Variants in ALK observed in about 807,000 individuals in gnomAD.
ALK encodes the protein ALK tyrosine kinase receptor.
ALK carries 74 observed loss-of-function variants against 163.1 expected under a neutral mutation model. That is an observed-to-expected ratio of 0.45 (90% CI 0.38 to 0.55). ALK has a LOEUF of 0.55. Ranked by LOEUF, ALK falls within the 20% of genes least tolerant of loss-of-function variation. The pLI, the probability that ALK is intolerant of heterozygous loss-of-function variation, is 0.00. For synonymous variants in ALK, 960 were observed against 843.2 expected, an observed-to-expected ratio of 1.14 and a Z score of -2.40; for missense variants, 2,063 against 2,105.3, an observed-to-expected ratio of 0.98 and a Z score of 0.39.
At chr2:29,880,732 T>C (rs1228143871) in intron 1 of ALK, among the ~76,000 whole-genome samples, 1 of 152,232 alleles carries the variant, frequency 6.6e-6, no homozygotes, top group Non-Finnish European at 1.5e-5. Context: ...ACCCATGCCA[T>C]AAAAGTGAGC....
chr2:29,422,033 C>G (rs1197676398), intron 4 of ALK, among the ~76,000 whole-genome samples: 2 of 151,458 alleles, frequency 1.3e-5, no homozygotes, highest in African/African-American at 4.9e-5. Flanking sequence ...CCAGACAACT[C>G]CATTTTGATA....
intron 4 of ALK, among the ~76,000 whole-genome samples, chr2:29,449,721 T>C (rs1370371482): frequency 6.6e-6 from 1 of 152,254 alleles, no homozygotes; most frequent in Admixed American, 6.5e-5. Context: ...GAGGAGGCTC[T>C]TATCTCAGAA....
intron 3 of ALK, among the ~76,000 whole-genome samples, chr2:29,638,798 G>A (rs1676619172): frequency 6.6e-6 from 1 of 152,072 alleles, no homozygotes; most frequent in East Asian, 1.9e-4. Context: ...TCATTAGCTA[G>A]TGACCTCTGA....
At chr2:29,208,568 T>C (rs1573100774) in intron 25 of ALK, among the ~76,000 whole-genome samples, 1 of 152,244 alleles carries the variant, frequency 6.6e-6, no homozygotes, top group East Asian at 1.9e-4. Context: ...TGGTAGACAC[T>C]CCAGAGACGT....
intron 1 of ALK, among the ~76,000 whole-genome samples, chr2:29,740,350 G>C (rs748412270): frequency 6.6e-6 from 1 of 152,118 alleles, no homozygotes; most frequent in Non-Finnish European, 1.5e-5. Flanking sequence ...GACAGACAAA[G>C]AGGGAGAGAG....
Position 29,717,667 on chromosome 2 carries a change from A to G in ALK, c.698T>C (p.Met233Thr), listed in dbSNP as rs749700096. 6.2e-7 allele frequency: 1 copy of G among 1,614,108 alleles called. No individual in the cohort carries two copies. The highest frequency in any genetic ancestry group is 2.2e-5 in the East Asian group (1 of 44,870). Residue 233 changes from methionine to threonine, a missense_variant, in exon 2 of 29, where the codon ATG (methionine) becomes ACG (threonine). Around this residue, in one of 5 missense-constraint regions of ALK, gnomAD observed 987 missense variants for 939.5 expected, o/e 1.05. Transcript: ENST00000389048. The part of the protein sequence containing the change: ...GHSSLESPTN[M>T]PSPSPDYFTW... Reference sequence around the variant, plus strand: ...AAAATAATCAGGAGAAGGAGAAGGCATGTTTGTTGGTGATTCCAAGGAGCT... The same window carrying G: ...AAAATAATCAGGAGAAGGAGAAGGCGTGTTTGTTGGTGATTCCAAGGAGCT...
intron 1 of ALK, among the ~76,000 whole-genome samples, chr2:29,729,760 T>C (rs1679683608): frequency 6.6e-6 from 1 of 152,168 alleles, no homozygotes; most frequent in Non-Finnish European, 1.5e-5. Flanking sequence ...GCAGCACATC[T>C]TGAGTGCATC....
chr2:29,228,870 C>T lies in ALK; in HGVS notation c.2815+14G>A, dbSNP rs1288484506. 7 of 1,558,832 alleles carry T rather than the reference C, an allele frequency of 4.5e-6. No individual in the cohort carries two copies. Among genetic ancestry groups the T allele is most frequent in the Admixed American group, 1.7e-5 (1 of 59,902 alleles). On this transcript the variant is annotated intron_variant, in intron 16 of 28. Coordinates refer to ENST00000389048, the MANE Select transcript of ALK (RefSeq NM_004304.5). Reference sequence around the variant, plus strand: ...CAGGGAGGGAGTGACACCTTGAACACGAATCATCTTTACCTATATATCCTC... The same window carrying T: ...CAGGGAGGGAGTGACACCTTGAACATGAATCATCTTTACCTATATATCCTC...
intron 1 of ALK, among the ~76,000 whole-genome samples, chr2:29,887,462 T>C (rs922331914): frequency 6.6e-6 from 1 of 152,186 alleles, no homozygotes; most frequent in African/African-American, 2.4e-5. Flanking sequence ...TGCTCAGAAG[T>C]CATCCTGGGT....
chr2:29,383,893 A>ATAT (rs1230173926), intron 4 of ALK, 34 bp from the exon 5 acceptor site: 1 of 1,613,658 alleles, frequency 6.2e-7, no homozygotes, highest in Non-Finnish European at 8.5e-7. Flanking sequence ...AGAAAAGCAT[A>ATAT]GAGAAACAGA....
At chr2:29,796,183 C>T (rs1444646587) in intron 1 of ALK, among the ~76,000 whole-genome samples, 2 of 152,122 alleles carry the variant, frequency 1.3e-5, no homozygotes, top group Admixed American at 6.5e-5. Context: ...TAGGGAAGAG[C>T]TCCTGGAACC....
chr2:29,236,017 A>ATTTT (rs771017409), intron 13 of ALK, among the ~76,000 whole-genome samples: 18 of 126,212 alleles, frequency 1.4e-4, no homozygotes, highest in Admixed American at 2.4e-4. Flanking sequence ...TAATTTTTGT[A>ATTTT]TTTTTTTTTT....
chr2:29,593,198 G>GT (rs1231666869), intron 3 of ALK, among the ~76,000 whole-genome samples: 1 of 152,158 alleles, frequency 6.6e-6, no homozygotes, highest in East Asian at 1.9e-4. Context: ...TGAAGCCAAC[G>GT]TAACATTGGT....
intron 4 of ALK, among the ~76,000 whole-genome samples, chr2:29,393,522 G>C (rs1669230284): frequency 6.6e-6 from 1 of 152,134 alleles, no homozygotes; most frequent in South Asian, 2.1e-4. Flanking sequence ...GGCTTGCTAG[G>C]TTTCCCCCTC....
intron 1 of ALK, among the ~76,000 whole-genome samples, chr2:29,907,788 C>T (rs1667589681): frequency 1.3e-5 from 2 of 152,136 alleles, no homozygotes; most frequent in African/African-American, 2.4e-5. Context: ...CTGCTTCAGG[C>T]CCATGCTTTC....
Position 29,246,081 on chromosome 2 carries a change from G to A in ALK, c.2204+5024C>T, listed in dbSNP as rs895511410. On this transcript the variant is annotated intron_variant, in intron 12 of 28. Transcript: ENST00000389048. The surrounding 1 kb of genome is among the most constrained non-coding windows in gnomAD (Gnocchi z 4.3). ...AGCTGTGGGACGACTGCCTTCGGGAGCTATGGGCCATGCTTGACAAATGGT... is the reference window on the plus strand; with the variant it reads ...AGCTGTGGGACGACTGCCTTCGGGAACTATGGGCCATGCTTGACAAATGGT... Among the ~76,000 whole-genome samples, 20 of 152,320 alleles carry A rather than the reference G, an allele frequency of 1.3e-4. No individual in the cohort carries two copies. The highest frequency in any genetic ancestry group is 7.7e-4 in the East Asian group (4 of 5,186).
chr2:29,769,990 G>A (rs1412335489), intron 1 of ALK, among the ~76,000 whole-genome samples: 1 of 152,202 alleles, frequency 6.6e-6, no homozygotes, highest in Non-Finnish European at 1.5e-5. Context: ...GTGTTGGTGG[G>A]AGGGACGAGA....
intron 5 of ALK, 40 bp from the exon 6 acceptor site, chr2:29,328,521 T>A (rs760021987): frequency 6.2e-7 from 1 of 1,613,736 alleles, no homozygotes; most frequent in Non-Finnish European, 8.5e-7. Context: ...TAAGTTTGCA[T>A]GGCCCCAGGC....
At chr2:29,901,821 C>T (rs1667420848) in intron 1 of ALK, among the ~76,000 whole-genome samples, 1 of 152,166 alleles carries the variant, frequency 6.6e-6, no homozygotes, top group African/African-American at 2.4e-5. Context: ...TTAATCCCTT[C>T]ACTGACAGTC....
Sources: gnomAD v4.1 joint callset for allele counts (sites outside exome capture counted in the v4.1 genomes callset) on GRCh38, gnomAD v4.1.1 for gene constraint, gnomAD v4.1.1 regional missense constraint, Gnocchi (gnomAD v3.1) non-coding constraint, MANE v1.5 for transcripts, NCBI Gene and HGNC (gene_info 2026-07-23, HGNC 2026-07-21) for gene names.